The following FUT8 variants were observed in gnomAD, a reference collection of about 807,000 sequenced individuals.
The protein encoded by FUT8 is alpha-(1,6)-fucosyltransferase.
Under a neutral mutation model 71.3 loss-of-function variants are expected in FUT8, and 29 were observed. The observed-to-expected ratio is 0.41, with a 90% CI of 0.30 to 0.55. The LOEUF (loss-of-function observed/expected upper bound fraction) is 0.55, where lower values mean the gene tolerates loss of function less well. Among genes scored for constraint, FUT8 ranks in the 20% least tolerant of loss-of-function variants. The probability of loss-of-function intolerance (pLI) is 0.34; values close to 1 mark genes in which losing one functional copy is unlikely to be tolerated. For missense variants in FUT8, 544 were observed against 702.1 expected (o/e 0.77, Z 2.55); for synonymous variants, 254 against 239.3 (o/e 1.06, Z -0.57).
intron 7 of FUT8, among the ~76,000 whole-genome samples, chr14:65,675,223 C>G (rs1442577527): frequency 6.6e-6 from 1 of 152,134 alleles, no homozygotes; most frequent in African/African-American, 2.4e-5. Context: ...AGCCTTGACC[C>G]TTGTGAGCCT....
At chr14:65,387,319 C>T in the FUT8 span, among the ~76,000 whole-genome samples, 1 of 152,164 alleles carries the variant, frequency 6.6e-6, no homozygotes, top group Non-Finnish European at 1.5e-5. Context: ...CAACCTGATG[C>T]TCCACATATC....
In FUT8 at chr14:65,643,010, A is replaced by G. The variant is rs1386704815; in HGVS notation, c.597+13404A>G. Among the ~76,000 whole-genome samples, 11 of 152,170 alleles carry G rather than the reference A, an allele frequency of 7.2e-5. No homozygotes were observed. Among genetic ancestry groups the G allele is most frequent in the Admixed American group, 7.2e-4 (11 of 15,282 alleles). On this transcript the variant is annotated intron_variant, in intron 6 of 10. Transcript: ENST00000673929. This position sits in a 1 kb window ranked among gnomAD's most constrained non-coding sequence, Gnocchi z 4.5. ...GTAGTCTCTTTGAGTCATTAATCTT[A>G]ATTAAATAGTACAGTTTACTATTAG...
At chr14:65,378,187 C>T in the FUT8 span, among the ~76,000 whole-genome samples, 1 of 151,996 alleles carries the variant, frequency 6.6e-6, no homozygotes, top group Non-Finnish European at 1.5e-5. Flanking sequence ...ATTAACTTTA[C>T]TATTCTTGTT....
intron 3 of FUT8, among the ~76,000 whole-genome samples, chr14:65,564,754 A>G (rs1308407002): frequency 6.6e-6 from 1 of 152,036 alleles, no homozygotes; most frequent in African/African-American, 2.4e-5. Context: ...TCAGAATGTC[A>G]TATAAATTGA....
At chr14:65,575,164 A>C (rs1347881561) in intron 3 of FUT8, among the ~76,000 whole-genome samples, 1 of 151,868 alleles carries the variant, frequency 6.6e-6, no homozygotes, top group Non-Finnish European at 1.5e-5. Context: ...CAAGGGTATA[A>C]ATTTGCAAGT....
chr14:65,492,477 C>T (rs942545296), intron 2 of FUT8, among the ~76,000 whole-genome samples: 7 of 152,174 alleles, frequency 4.6e-5, no homozygotes, highest in African/African-American at 1.2e-4. Context: ...TACGTCACTT[C>T]CTTTTTCTGT....
chr14:65,544,929 C>G (rs965896715), intron 2 of FUT8, among the ~76,000 whole-genome samples: 1 of 151,704 alleles, frequency 6.6e-6, no homozygotes, highest in Non-Finnish European at 1.5e-5. Context: ...CTGCTCTGCC[C>G]TCTTTTCCTC....
intron 1 of FUT8, among the ~76,000 whole-genome samples, chr14:65,426,021 A>G (rs1049033700): frequency 2.0e-5 from 3 of 152,046 alleles, no homozygotes; most frequent in African/African-American, 7.2e-5. Flanking sequence ...AGTGTGTACA[A>G]TAAATATTAT....
chr14:65,374,056 A>G, the FUT8 span, among the ~76,000 whole-genome samples: 73,630 of 152,064 alleles, frequency 0.48, 19,001 homozygotes, highest in Non-Finnish European at 0.59. Context: ...AGTTGCCCCC[A>G]AAGGCTGAGT....
At chr14:65,439,324 G>A (rs190595884) in intron 1 of FUT8, among the ~76,000 whole-genome samples, 133 of 152,318 alleles carry the variant, frequency 8.7e-4, no homozygotes, top group Non-Finnish European at 1.3e-3. Flanking sequence ...GAGGATCATA[G>A]TAATAATACT....
intron 5 of FUT8, chr14:65,616,941 C>A: frequency 1.1e-6 from 1 of 897,084 alleles, no homozygotes; most frequent in Non-Finnish European, 1.6e-6. Flanking sequence ...GCACACGTTG[C>A]TAAATAATAT....
rs1889982732 is a variant in FUT8, at chr14:65,627,914, C to T, written c.483-1578C>T. Among the ~76,000 whole-genome samples the T allele has an allele frequency of 6.6e-6, 1 of 152,098 alleles. No homozygotes were observed. Among genetic ancestry groups the T allele is most frequent in the Admixed American group, 6.5e-5 (1 of 15,268 alleles). On this transcript the variant is annotated intron_variant, in intron 5 of 10. Transcript: ENST00000673929. This position sits in a 1 kb window ranked among gnomAD's most constrained non-coding sequence, Gnocchi z 4.0. Reference sequence around the variant, plus strand: ...ATCACCTGATGGTCGCCTGACATTGCTTGGAGGTTAAGGGGGTGCCTTCTT... The same window carrying T: ...ATCACCTGATGGTCGCCTGACATTGTTTGGAGGTTAAGGGGGTGCCTTCTT...
At chr14:65,529,004 T>G (rs1407302527) in intron 2 of FUT8, 1 of 157,342 alleles carries the variant, frequency 6.4e-6, no homozygotes, top group Non-Finnish European at 1.5e-5. Context: ...ATCAGATTTG[T>G]TATCCTAATA....
intron 3 of FUT8, among the ~76,000 whole-genome samples, chr14:65,610,856 A>G (rs1888850436): frequency 6.6e-6 from 1 of 151,852 alleles, no homozygotes; most frequent in Admixed American, 6.6e-5. Flanking sequence ...GATTTCTAGG[A>G]TAAACCTTGG....
chr14:65,410,094 T>TTAGAACC (rs1269652133), upstream of FUT8, among the ~76,000 whole-genome samples: 1 of 152,168 alleles, frequency 6.6e-6, no homozygotes, highest in Non-Finnish European at 1.5e-5. Context: ...CCAGTGATGT[T>TTAGAACC]TAGAACCTTT....
rs563293108 is a variant in FUT8, at chr14:65,669,562, T to C, written c.835+82T>C. 4.3e-5 allele frequency: 38 copies of C among 888,572 alleles called. No homozygotes were observed. The African/African-American group carries it at 5.6e-4, about 13-fold the overall frequency. 55.0% of individuals were successfully genotyped at this position (888,572 alleles called of 1,614,324 possible). A position where few individuals can be genotyped will look rare whatever the true frequency, so the allele number is the denominator to read the frequency against. Reference sequence around the variant, plus strand: ...TATTAGATTTCTAGGTAGACCTTCATGGAACATACTTATCTTTTCCTCTGG... The same window carrying C: ...TATTAGATTTCTAGGTAGACCTTCACGGAACATACTTATCTTTTCCTCTGG... On this transcript the variant is annotated intron_variant, in intron 7 of 10. Transcript: ENST00000673929. This position sits in a 1 kb window ranked among gnomAD's most constrained non-coding sequence, Gnocchi z 4.5.
At chr14:65,452,444 C>T (rs1271015906) in intron 1 of FUT8, among the ~76,000 whole-genome samples, 2 of 152,174 alleles carry the variant, frequency 1.3e-5, no homozygotes, top group East Asian at 1.9e-4. Context: ...CTCTAGCTCA[C>T]ACCTAGAGAG....
chr14:65,469,299 A>G (rs2066099038), intron 2 of FUT8, among the ~76,000 whole-genome samples: 1 of 152,118 alleles, frequency 6.6e-6, no homozygotes, highest in African/African-American at 2.4e-5. Context: ...TTTTGCCTTT[A>G]TAGTGCCTCA....
chr14:65,603,581 C>T lies in FUT8; in HGVS notation c.204-12397C>T, dbSNP rs1888421410. On this transcript the variant is annotated intron_variant, in intron 3 of 10. Transcript: ENST00000673929. This position sits in a 1 kb window ranked among gnomAD's most constrained non-coding sequence, Gnocchi z 4.5. Reference sequence around the variant, plus strand: ...AGATTTGGCGGTATGGCAATTTTCACAATGACCATAAGCTCATTTTCTAAT... The same window carrying T: ...AGATTTGGCGGTATGGCAATTTTCATAATGACCATAAGCTCATTTTCTAAT... 6.6e-6 allele frequency among the ~76,000 whole-genome samples: 1 copy of T among 151,732 alleles called. No homozygotes were observed. Among genetic ancestry groups the T allele is most frequent in the Non-Finnish European group, 1.5e-5 (1 of 67,860 alleles).
Sources: allele counts gnomAD v4.1 joint callset (sites outside exome capture counted in the v4.1 genomes callset), GRCh38; gene constraint gnomAD v4.1.1; non-coding constraint Gnocchi (gnomAD v3.1); transcripts MANE v1.5; gene names NCBI Gene and HGNC (gene_info 2026-07-23, HGNC 2026-07-21).